The following WWTR1 variants were observed in gnomAD, a reference collection of about 807,000 sequenced individuals.
WWTR1 encodes WW domain-containing transcription regulator protein 1.
WWTR1 carries 13 observed loss-of-function variants against 40.1 expected under a neutral mutation model. The ratio of observed to expected loss-of-function variants is 0.32; its 90% CI spans 0.21 to 0.52. The LOEUF is 0.52. Ranked by LOEUF, WWTR1 falls within the 20% of genes least tolerant of loss-of-function variation. The pLI is 0.97. For missense variants in WWTR1, 436 were observed against 523.1 expected, an observed-to-expected ratio of 0.83 and a Z score of 1.63; for synonymous variants, 230 against 210.1, an observed-to-expected ratio of 1.09 and a Z score of -0.82.
At chr3:149,547,631 C>G (rs1364971850) in intron 3 of WWTR1, among the ~76,000 whole-genome samples, 1 of 152,118 alleles carries the variant, frequency 6.6e-6, no homozygotes, top group Non-Finnish European at 1.5e-5. Flanking sequence ...CTAAAGACCT[C>G]GTCAGCTCTA....
upstream of WWTR1, among the ~76,000 whole-genome samples, chr3:149,707,679 C>T (rs560974372): frequency 1.3e-5 from 2 of 152,182 alleles, no homozygotes; most frequent in African/African-American, 4.8e-5. Context: ...GGACTCAGAG[C>T]CTACCTAAGG....
At chr3:149,521,437 T>C (rs1270415166) in intron 6 of WWTR1, among the ~76,000 whole-genome samples, 1 of 152,252 alleles carries the variant, frequency 6.6e-6, no homozygotes, top group African/African-American at 2.4e-5. Flanking sequence ...TTGTCTTCAT[T>C]GATGACTTTA....
intron 2 of WWTR1, among the ~76,000 whole-genome samples, chr3:149,596,271 C>G (rs972828905): frequency 6.6e-6 from 1 of 152,166 alleles, no homozygotes; most frequent in African/African-American, 2.4e-5. Flanking sequence ...CAAAGACAAG[C>G]CATCATATTC....
intron 2 of WWTR1, among the ~76,000 whole-genome samples, chr3:149,592,490 G>A (rs560007669): frequency 2.0e-4 from 30 of 152,156 alleles, no homozygotes; most frequent in Non-Finnish European, 2.9e-4. Flanking sequence ...TAAGTACAAT[G>A]CTATGAAGCC....
intron 2 of WWTR1, among the ~76,000 whole-genome samples, chr3:149,633,261 C>T (rs1711634233): frequency 6.6e-6 from 1 of 152,096 alleles, no homozygotes; most frequent in Non-Finnish European, 1.5e-5. Context: ...TGGTGACGCA[C>T]ACCTGTAGTC....
intron 3 of WWTR1, among the ~76,000 whole-genome samples, chr3:149,560,106 C>T (rs1181570848): frequency 6.6e-6 from 1 of 152,116 alleles, no homozygotes; most frequent in Non-Finnish European, 1.5e-5. Context: ...TGAGACATTG[C>T]TCCATTTAGG....
At chr3:149,643,827 A>G (rs1712331070) in intron 2 of WWTR1, among the ~76,000 whole-genome samples, 1 of 152,068 alleles carries the variant, frequency 6.6e-6, no homozygotes, top group East Asian at 1.9e-4. Context: ...CACACCACAG[A>G]GCTAACCATT....
At chr3:149,585,109 C>T (rs1180915428) in intron 2 of WWTR1, among the ~76,000 whole-genome samples, 1 of 127,658 alleles carries the variant, frequency 7.8e-6, no homozygotes, top group East Asian at 3.6e-4. Flanking sequence ...TACAGATATA[C>T]TTGATTTCTT....
chr3:149,688,041 T>C (rs531475984), intron 1 of WWTR1, among the ~76,000 whole-genome samples: 2 of 151,302 alleles, frequency 1.3e-5, no homozygotes, highest in South Asian at 4.2e-4. Context: ...GAGAGACTTC[T>C]GCTTGAGGAA....
At chr3:149,679,645 GAA>G (rs62987560) in intron 1 of WWTR1, among the ~76,000 whole-genome samples, 6 of 144,356 alleles carry the variant, frequency 4.2e-5, no homozygotes, top group East Asian at 2.0e-4. Flanking sequence ...GGAATGGTGG[GAA>G]AAAAAAAAAA....
At chr3:149,628,502 T>C (rs963131032) in intron 2 of WWTR1, among the ~76,000 whole-genome samples, 6 of 152,214 alleles carry the variant, frequency 3.9e-5, no homozygotes, top group African/African-American at 9.6e-5. Flanking sequence ...ATTTTGGCTC[T>C]TGGTATTGTT....
intron 2 of WWTR1, among the ~76,000 whole-genome samples, chr3:149,580,910 C>T (rs1034154389): frequency 4.6e-5 from 7 of 152,140 alleles, no homozygotes; most frequent in African/African-American, 1.2e-4. Flanking sequence ...CCGCGCCTGG[C>T]GACAATATTA....
chr3:149,657,223 G>C lies in WWTR1; in HGVS notation c.84C>G (p.Leu28=), dbSNP rs756230933. The part of the protein sequence containing the change: ...IHVTQDLDTD[L]EALFNSVMNP... ...TCATGACAGAGTTGAAGAGGGCTTC[G>C]AGGTCTGTGTCTAGGTCCTGCGTGA... Residue 28 remains leucine, a synonymous_variant, in exon 2 of 7, where the codon CTC becomes CTG. Transcript: ENST00000360632. 6.2e-7 allele frequency: 1 copy of C among 1,613,080 alleles called. No individual in the cohort carries two copies.
chr3:149,663,929 G>A (rs1426463194), intron 2 of WWTR1, among the ~76,000 whole-genome samples: 1 of 152,160 alleles, frequency 6.6e-6, no homozygotes, highest in Admixed American at 6.5e-5. Flanking sequence ...CTTTCTTTTT[G>A]TTTCTCCCAT....
At chr3:149,672,595 A>T (rs1210255766) in intron 1 of WWTR1, among the ~76,000 whole-genome samples, 23 of 152,174 alleles carry the variant, frequency 1.5e-4, no homozygotes. Flanking sequence ...TAAATAACTT[A>T]AAAAGAAACA....
rs72997979 is a variant in WWTR1, at chr3:149,649,378, G to A, written c.431+7498C>T. ...AAAGGCAAGGCCCTGGAAGATCATC[G>A]CCCCTTTCACCGTCTAAATCCCGAA... On this transcript the variant is annotated intron_variant, in intron 2 of 6. Coordinates refer to ENST00000360632, the MANE Select transcript of WWTR1 (RefSeq NM_015472.6). Among the ~76,000 whole-genome samples, 408 of 152,300 alleles carry A rather than the reference G, an allele frequency of 2.7e-3. 4 individuals carry two copies. Among genetic ancestry groups the A allele is most frequent in the African/African-American group, 8.9e-3 (368 of 41,550 alleles).
chr3:149,722,677 T>C (rs1448394787), intron 4 of WWTR1, among the ~76,000 whole-genome samples: 1 of 152,064 alleles, frequency 6.6e-6, no homozygotes, highest in Non-Finnish European at 1.5e-5. Context: ...ATCTGCTTGA[T>C]GGTACCCTAC....
chr3:149,541,704 C>T (rs6768670), intron 4 of WWTR1, among the ~76,000 whole-genome samples: 70,396 of 151,676 alleles, frequency 0.46, 16,868 homozygotes, highest in South Asian at 0.66. Flanking sequence ...ACTTCTACTT[C>T]CTGTCTCTTA....
chr3:149,524,482 C>A (rs753130608), intron 6 of WWTR1, among the ~76,000 whole-genome samples: 4 of 151,564 alleles, frequency 2.6e-5, no homozygotes, highest in Non-Finnish European at 4.4e-5. Context: ...TAAGGCTATT[C>A]CAAAGATAGC....
Sources: gnomAD v4.1 joint callset for allele counts (sites outside exome capture counted in the v4.1 genomes callset) on GRCh38, gnomAD v4.1.1 for gene constraint, MANE v1.5 for transcripts, NCBI Gene and HGNC (gene_info 2026-07-23, HGNC 2026-07-21) for gene names.